Variants in ITGB5 observed in about 807,000 individuals in gnomAD.
ITGB5 encodes integrin beta-5.
A neutral mutation model predicts 84.8 loss-of-function variants in ITGB5; 38 were observed. The ratio of observed to expected loss-of-function variants is 0.45; its 90% CI spans 0.35 to 0.59. ITGB5 has a LOEUF of 0.59. Ranked by LOEUF, ITGB5 falls within the 20% of genes least tolerant of loss-of-function variation. The pLI is 0.01. For synonymous variants in ITGB5, 393 were observed against 414.4 expected (o/e 0.95, Z 0.63); for missense variants, 905 against 1,034.5 (o/e 0.87, Z 1.72).
At chr3:124,890,847 T>C (rs1344327357), upstream of ITGB5, among the ~76,000 whole-genome samples, 15 of 152,230 alleles carry the variant, frequency 9.9e-5, no homozygotes, top group Admixed American at 2.6e-4. Flanking sequence ...TTGTGGTTTA[T>C]GCCTTTTTTC....
intron 4 of ITGB5, among the ~76,000 whole-genome samples, chr3:124,842,600 G>C (rs2065025293): frequency 6.6e-6 from 1 of 152,160 alleles, no homozygotes; most frequent in South Asian, 2.1e-4. Context: ...GGAGGAGCCT[G>C]GGAGGCAGGC....
At chr3:124,798,967 G>A (rs1275167159) in intron 9 of ITGB5, among the ~76,000 whole-genome samples, 1 of 152,202 alleles carries the variant, frequency 6.6e-6, no homozygotes, top group Non-Finnish European at 1.5e-5. Flanking sequence ...CAGACACCCA[G>A]GACTCAGCAT....
intron 11 of ITGB5, among the ~76,000 whole-genome samples, chr3:124,770,346 C>G (rs1470022881): frequency 6.6e-6 from 1 of 152,090 alleles, no homozygotes; most frequent in Non-Finnish European, 1.5e-5. Context: ...GGGAGGCCAT[C>G]AGAGTGCAGG....
intron 5 of ITGB5, among the ~76,000 whole-genome samples, chr3:124,821,976 T>C (rs1217038305): frequency 6.6e-6 from 1 of 152,204 alleles, no homozygotes; most frequent in African/African-American, 2.4e-5. Context: ...AAATGACCAA[T>C]AGATGGGTCT....
intron 8 of ITGB5, among the ~76,000 whole-genome samples, chr3:124,817,259 G>A (rs1344851316): frequency 3.9e-5 from 6 of 152,096 alleles, no homozygotes; most frequent in African/African-American, 9.7e-5. Context: ...CAGAGAATAC[G>A]GTGGCAGCGT....
chr3:124,842,519 G>A (rs1159192745), intron 4 of ITGB5, among the ~76,000 whole-genome samples: 2 of 152,250 alleles, frequency 1.3e-5, no homozygotes, highest in East Asian at 1.9e-4. Context: ...TGTGGCAGAA[G>A]GGAGCACAGA....
At chr3:124,783,308 A>AG (rs1260470603) in intron 10 of ITGB5, among the ~76,000 whole-genome samples, 2 of 151,128 alleles carry the variant, frequency 1.3e-5, no homozygotes, top group African/African-American at 4.9e-5. Flanking sequence ...AAAAAAAAAA[A>AG]AAAAAGAGAG....
chr3:124,798,073 A>C, intron 9 of ITGB5, among the ~76,000 whole-genome samples: 1 of 42,152 alleles, frequency 2.4e-5, no homozygotes, highest in Non-Finnish European at 4.2e-5. Context: ...TTTTTTTTTG[A>C]GGTGGAGTCT....
chr3:124,812,146 A>T (rs537506136), intron 8 of ITGB5, among the ~76,000 whole-genome samples: 24 of 152,204 alleles, frequency 1.6e-4, no homozygotes, highest in Non-Finnish European at 3.5e-4. Flanking sequence ...CCTGTCACAC[A>T]TTAGGCTGTT....
chr3:124,843,232 A>G (rs2065033603), intron 4 of ITGB5, among the ~76,000 whole-genome samples: 1 of 152,182 alleles, frequency 6.6e-6, no homozygotes, highest in Non-Finnish European at 1.5e-5. Flanking sequence ...ATCTGTAGCT[A>G]TTTGGCAAGT....
chr3:124,843,826 G>T (rs903277031), intron 4 of ITGB5, among the ~76,000 whole-genome samples: 2 of 152,112 alleles, frequency 1.3e-5, no homozygotes, highest in Non-Finnish European at 2.9e-5. Context: ...CATGCATACA[G>T]AGTTACTAAA....
At chr3:124,895,568 G>A (rs1354951786) in intron 1 of ITGB5, among the ~76,000 whole-genome samples, 1 of 152,120 alleles carries the variant, frequency 6.6e-6, no homozygotes, top group African/African-American at 2.4e-5. Context: ...TTAAAACAGT[G>A]CTTAGCTAGC....
chr3:124,826,207 G>C (rs2064782779), intron 5 of ITGB5, among the ~76,000 whole-genome samples: 1 of 152,120 alleles, frequency 6.6e-6, no homozygotes, highest in South Asian at 2.1e-4. Context: ...TTAATAGGCG[G>C]GCACAACTTC....
At chr3:124,839,428 G>C (rs964711306) in intron 5 of ITGB5, among the ~76,000 whole-genome samples, 1 of 152,218 alleles carries the variant, frequency 6.6e-6, no homozygotes, top group Non-Finnish European at 1.5e-5. Flanking sequence ...GCTTCTCAAA[G>C]ACCACTGTGG....
In ITGB5 at chr3:124,779,217, C is replaced by T. The variant is rs78406390; in HGVS notation, c.1694-5305G>A. ...GCAAGGCACCCAGAACAGCAGAACT[C>T]GGGGCAGAGGGCGAGAGTGTGAGGC... On this transcript the variant is annotated intron_variant, in intron 10 of 14. Transcript: ENST00000296181. 5.4e-4 allele frequency among the ~76,000 whole-genome samples: 82 copies of T among 151,862 alleles called. No homozygotes were observed. In the East Asian group the frequency reaches 0.013, roughly 24 times the overall value.
At chr3:124,815,541 G>A (rs764665195) in intron 8 of ITGB5, among the ~76,000 whole-genome samples, 34 of 152,226 alleles carry the variant, frequency 2.2e-4, no homozygotes, top group Non-Finnish European at 2.1e-4. Flanking sequence ...TGTGAGAGTG[G>A]GTCCAGCAGC....
Position 124,808,587 on chromosome 3 carries a change from TG to T in ITGB5, c.1263+434del, listed in dbSNP as rs61761670. On this transcript the variant is annotated intron_variant, in intron 9 of 14. Transcript: ENST00000296181. ...TCCATTCTATTTCACCAAAACAGAATGGGGGGAGTGGCTTTCTTTACATTTC... is the reference window on the plus strand; with the variant it reads ...TCCATTCTATTTCACCAAAACAGAATGGGGGAGTGGCTTTCTTTACATTTC... Among the ~76,000 whole-genome samples, 1,365 of 152,286 alleles carry T rather than the reference TG, an allele frequency of 9.0e-3. 25 individuals are homozygous for T. The highest frequency in any genetic ancestry group is 0.031 in the African/African-American group (1,271 of 41,554).
chr3:124,797,865 A>C (rs1002563872), intron 9 of ITGB5, among the ~76,000 whole-genome samples: 1 of 152,104 alleles, frequency 6.6e-6, no homozygotes, highest in Non-Finnish European at 1.5e-5. Flanking sequence ...AGTTTTACTC[A>C]GGGGTGGGTT....
chr3:124,771,575 C>CCTGT (rs2063844536), intron 11 of ITGB5, among the ~76,000 whole-genome samples: 1 of 151,554 alleles, frequency 6.6e-6, no homozygotes. Flanking sequence ...ATAGCAAGAC[C>CCTGT]CTGTCTCTAC....
Sources: allele counts gnomAD v4.1 joint callset (sites outside exome capture counted in the v4.1 genomes callset), GRCh38; gene constraint gnomAD v4.1.1; transcripts MANE v1.5; gene names NCBI Gene and HGNC (gene_info 2026-07-23, HGNC 2026-07-21).